Variants in EIF5B observed in about 807,000 individuals in gnomAD.
The protein encoded by EIF5B is eukaryotic translation initiation factor 5B.
Under a neutral mutation model 147.5 loss-of-function variants are expected in EIF5B, and 47 were observed. That is an observed-to-expected ratio of 0.32 (90% confidence interval 0.25 to 0.41). EIF5B has a LOEUF of 0.41. EIF5B is among the 10% of genes least tolerant of loss of function. The pLI is 1.00. For synonymous variants in EIF5B, 455 were observed against 456.2 expected (o/e 1.00, Z 0.03); for missense variants, 1,064 against 1,413.2 (o/e 0.75, Z 3.96).
intron 1 of EIF5B, chr2:99,338,474 T>TA (rs546855561): frequency 1.2e-5 from 6 of 495,504 alleles, no homozygotes; most frequent in Admixed American, 2.7e-5. Flanking sequence ...TAAGGTAAAT[T>TA]AAAAAAACTA....
chr2:99,381,574 C>T (rs1674691204), intron 12 of EIF5B, among the ~76,000 whole-genome samples: 1 of 146,064 alleles, frequency 6.8e-6, no homozygotes, highest in Non-Finnish European at 1.5e-5. Flanking sequence ...GTCAGTGTTA[C>T]TTTTTAGACT....
At chr2:99,339,600 G>C (rs1334726845) in intron 1 of EIF5B, among the ~76,000 whole-genome samples, 1 of 151,890 alleles carries the variant, frequency 6.6e-6, no homozygotes, top group Admixed American at 6.6e-5. Context: ...GTCAGGTCTT[G>C]AACTCCTGGC....
At chr2:99,350,974 T>C (rs1331319976) in intron 1 of EIF5B, among the ~76,000 whole-genome samples, 1 of 152,290 alleles carries the variant, frequency 6.6e-6, no homozygotes, top group Non-Finnish European at 1.5e-5. Flanking sequence ...CTGTGTTTAA[T>C]AGAAATTAAG....
intron 17 of EIF5B, among the ~76,000 whole-genome samples, 172 bp downstream of exon 17, chr2:99,390,877 A>G (rs1048597549): frequency 1.3e-5 from 2 of 152,208 alleles, no homozygotes; most frequent in Non-Finnish European, 2.9e-5. Context: ...CTGTCAGAGT[A>G]GAGATGTGTG....
chr2:99,390,114 G>A lies in EIF5B; in HGVS notation c.2404-105G>A, dbSNP rs145425521. On this transcript the variant is annotated intron_variant, in intron 15 of 23. Transcript: ENST00000289371. ...TGATCATTTTTAGTGTTTATGAGGA[G>A]TTTCAAAATGATGAGCCATTTGCTC... The A allele has an allele frequency of 1.7e-4, 228 of 1,328,556 alleles. 1 individual carries two copies. In the East Asian group the frequency reaches 5.1e-3, roughly 30 times the overall value. The allele number at this position is 1,328,556 out of a possible 1,614,324, so 82.3% of individuals were successfully genotyped here. A position where few individuals can be genotyped will look rare whatever the true frequency, so the allele number is the denominator to read the frequency against.
chr2:99,383,016 C>T (rs902838912), intron 14 of EIF5B, 95 bp downstream of exon 14: 13 of 1,303,052 alleles, frequency 1.0e-5, no homozygotes, highest in South Asian at 8.3e-5. Context: ...AAGCATAGCT[C>T]ATTTTATTGT....
At chr2:99,385,048 A>G (rs1674771824) in intron 14 of EIF5B, among the ~76,000 whole-genome samples, 1 of 151,856 alleles carries the variant, frequency 6.6e-6, no homozygotes, top group African/African-American at 2.4e-5. Context: ...CTACAGATAA[A>G]TTTCTTTTTT....
intron 1 of EIF5B, among the ~76,000 whole-genome samples, chr2:99,356,028 A>G (rs1301410833): frequency 6.6e-6 from 1 of 152,242 alleles, no homozygotes. Flanking sequence ...CTATATTAGC[A>G]TGGTACACTT....
At chr2:99,381,871 G>A (rs542282348) in intron 12 of EIF5B, among the ~76,000 whole-genome samples, 3 of 152,168 alleles carry the variant, frequency 2.0e-5, no homozygotes, top group East Asian at 1.9e-4. Context: ...CCTGCGATTC[G>A]TATCACCACT....
In EIF5B at chr2:99,389,626, A is replaced by T. The variant is rs1674881814; in HGVS notation, c.2272-92A>T. 4 of 1,233,722 alleles carry T rather than the reference A, an allele frequency of 3.2e-6. No homozygotes were observed. The African/African-American group carries it at 6.1e-5, about 19-fold the overall frequency. The allele number at this position is 1,233,722 out of a possible 1,614,324, so 76.4% of individuals were successfully genotyped here. On this transcript the variant is annotated intron_variant, in intron 14 of 23. Coordinates refer to ENST00000289371, the MANE Select transcript of EIF5B (RefSeq NM_015904.4). ...TAAGTCACACTGTTCTGTATATATG[A>T]GACACACATGAGGAATTTTCTGGAG...
chr2:99,349,493 T>C (rs1046759141), intron 1 of EIF5B, among the ~76,000 whole-genome samples: 2 of 152,230 alleles, frequency 1.3e-5, no homozygotes, highest in South Asian at 4.1e-4. Context: ...TTTTGTAATA[T>C]GTGTCTTTAA....
chr2:99,392,281 G>T (rs956588308), intron 17 of EIF5B, among the ~76,000 whole-genome samples: 6 of 151,940 alleles, frequency 3.9e-5, no homozygotes, highest in Non-Finnish European at 7.4e-5. Context: ...TGCCGTGTTG[G>T]CCAGGCTAGT....
chr2:99,387,089 G>A (rs1674825227), intron 14 of EIF5B, among the ~76,000 whole-genome samples: 1 of 151,978 alleles, frequency 6.6e-6, no homozygotes, highest in Admixed American at 6.6e-5. Flanking sequence ...TGTATTTTTA[G>A]TAGAGACGGG....
At chr2:99,362,903 A>G (rs1475776291) in intron 4 of EIF5B, among the ~76,000 whole-genome samples, 1 of 149,956 alleles carries the variant, frequency 6.7e-6, no homozygotes, top group Non-Finnish European at 1.5e-5. Context: ...GGATTACAGG[A>G]GCCCGCCACC....
At chr2:99,376,317 A>G in intron 9 of EIF5B, 30 bp from the exon 10 acceptor site, 1 of 1,280,018 alleles carries the variant, frequency 7.8e-7, no homozygotes, top group Non-Finnish European at 1.1e-6. Flanking sequence ...ATTAATGTTT[A>G]TTTATTTAAA....
rs374794095 is a variant in EIF5B, at chr2:99,390,276, G to T, written c.2461G>T (p.Val821Leu). ...AGATCCCCGCACTTTTGTGTCTTTG[G>T]TACCTACCTCTGCACATACTGGTGA... ...NKDPRTFVSLVPTSAHTGDGM... is the reference protein window; with the variant it reads ...NKDPRTFVSLLPTSAHTGDGM... The change falls in exon 16 of 24, where the codon GTA (valine) becomes TTA (leucine). Residue 821 changes from valine to leucine, a missense_variant. By Grantham distance (32) the Val-to-Leu change is conservative (BLOSUM62 1). Around this residue, in one of 4 missense-constraint regions of EIF5B, gnomAD observed 380 missense variants for 715.6 expected, o/e 0.53. Coordinates refer to ENST00000289371, the MANE Select transcript of EIF5B (RefSeq NM_015904.4). 2 of 1,613,902 alleles carry T rather than the reference G, an allele frequency of 1.2e-6. No individual in the cohort carries two copies. Among genetic ancestry groups the T allele is most frequent in the East Asian group, 2.2e-5 (1 of 44,880 alleles).
At chr2:99,384,265 G>A (rs1674753862) in intron 14 of EIF5B, among the ~76,000 whole-genome samples, 4 of 151,694 alleles carry the variant, frequency 2.6e-5, no homozygotes, top group Admixed American at 2.6e-4. Context: ...CTGGATGATA[G>A]CACGTCTATT....
At position 99,390,723 on chromosome 2, in the gene EIF5B, G is replaced by C. The variant is rs755904322; in HGVS notation, c.2748+18G>C. ...GAGTGAAGGTATGCTGAGGTGGGAA[G>C]CATTGACACGTGGGGACTTGTACAG... On this transcript the variant is annotated intron_variant, in intron 17 of 23. Transcript: ENST00000289371. The C allele has an allele frequency of 6.3e-7, 1 of 1,590,924 alleles. No homozygotes were observed. The highest frequency in any genetic ancestry group is 8.6e-7 in the Non-Finnish European group (1 of 1,162,220).
intron 14 of EIF5B, among the ~76,000 whole-genome samples, chr2:99,387,119 G>T (rs545112573): frequency 1.3e-5 from 2 of 152,220 alleles, no homozygotes; most frequent in African/African-American, 4.8e-5. Context: ...TGTTGGTCAG[G>T]CTGGTCTTGA....
Sources: allele counts gnomAD v4.1 joint callset (sites outside exome capture counted in the v4.1 genomes callset), GRCh38; gene constraint gnomAD v4.1.1; regional missense constraint gnomAD v4.1.1; transcripts MANE v1.5; gene names NCBI Gene and HGNC (gene_info 2026-07-23, HGNC 2026-07-21).